Variants in EEFSEC observed in about 807,000 individuals in gnomAD.
EEFSEC encodes eukaryotic elongation factor, selenocysteine-tRNA specific.
Under a neutral mutation model 42.1 loss-of-function variants are expected in EEFSEC, and 43 were observed. The ratio of observed to expected loss-of-function variants is 1.02; its 90% CI spans 0.80 to 1.32. EEFSEC has a LOEUF of 1.32. Among genes scored for constraint, EEFSEC ranks in the 40% most tolerant of loss-of-function variants. The pLI is 0.00. For missense variants in EEFSEC, 745 were observed against 803.6 expected, an observed-to-expected ratio of 0.93 and a Z score of 0.88; for synonymous variants, 354 against 339.1, an observed-to-expected ratio of 1.04 and a Z score of -0.48.
At chr3:128,273,110 C>T (rs952629266) in intron 4 of EEFSEC, among the ~76,000 whole-genome samples, 12 of 152,212 alleles carry the variant, frequency 7.9e-5, no homozygotes, top group Non-Finnish European at 5.9e-5. Context: ...AACTCTGCAT[C>T]TTGTCTTTTC....
At chr3:128,227,785 T>C (rs555088176) in intron 1 of EEFSEC, among the ~76,000 whole-genome samples, 24 of 152,278 alleles carry the variant, frequency 1.6e-4, no homozygotes, top group African/African-American at 5.5e-4. Context: ...AGTCTTACTC[T>C]CTTAATCTGT....
At chr3:128,160,337 A>G (rs778092221) in intron 1 of EEFSEC, among the ~76,000 whole-genome samples, 3 of 152,222 alleles carry the variant, frequency 2.0e-5, no homozygotes, top group Non-Finnish European at 4.4e-5. Context: ...ATTGTGTCTC[A>G]ACATCAGAGA....
rs34767342 is a variant in EEFSEC, at chr3:128,163,938, GA to G, written c.316+10129del. Among the ~76,000 whole-genome samples the G allele has an allele frequency of 6.5e-3, 809 of 124,130 alleles. 7 individuals are homozygous for G. Among genetic ancestry groups the G allele is most frequent in the African/African-American group, 0.02 (711 of 36,044 alleles). 81.4% of individuals were successfully genotyped at this position (124,130 alleles called of 152,430 possible). ...GGGAACCAGTATTGCATTTTTTTGT[GA>G]AAAAAAAAAAAAACAAAACTATTTC... On this transcript the variant is annotated intron_variant, in intron 1 of 6. Transcript: ENST00000254730.
At chr3:128,404,946 C>G (rs2068091922) in intron 6 of EEFSEC, among the ~76,000 whole-genome samples, 1 of 152,088 alleles carries the variant, frequency 6.6e-6, no homozygotes, top group African/African-American at 2.4e-5. Flanking sequence ...GGAGACCGGA[C>G]CCTTTGTGCA....
chr3:128,213,169 G>A (rs193160890), intron 1 of EEFSEC, among the ~76,000 whole-genome samples: 15 of 152,336 alleles, frequency 9.8e-5, no homozygotes, highest in African/African-American at 3.4e-4. Context: ...CCTGGGTTGT[G>A]GCAGTTGCTG....
chr3:128,279,747 C>A (rs1193404239), intron 4 of EEFSEC, among the ~76,000 whole-genome samples: 1 of 152,250 alleles, frequency 6.6e-6, no homozygotes, highest in Non-Finnish European at 1.5e-5. Context: ...GGCCCCCATT[C>A]AGTTTCTGTG....
chr3:128,358,152 C>T (rs751325563), intron 5 of EEFSEC, 65 bp from the exon 6 acceptor site: 3 of 1,570,204 alleles, frequency 1.9e-6, no homozygotes, highest in Non-Finnish European at 1.7e-6. Flanking sequence ...GCTAGGCACA[C>T]AGTCACAGCT....
chr3:128,226,685 T>C (rs2065910850), intron 1 of EEFSEC, among the ~76,000 whole-genome samples: 1 of 152,218 alleles, frequency 6.6e-6, no homozygotes, highest in Non-Finnish European at 1.5e-5. Flanking sequence ...TGATGTTGTC[T>C]GTATGTGTGT....
intron 1 of EEFSEC, among the ~76,000 whole-genome samples, chr3:128,201,009 C>G (rs965261609): frequency 6.6e-6 from 1 of 152,154 alleles, no homozygotes; most frequent in African/African-American, 2.4e-5. Context: ...GAGTTGGTCA[C>G]AGTCCCCACC....
At chr3:128,290,560 C>T (rs2066632294) in intron 4 of EEFSEC, among the ~76,000 whole-genome samples, 1 of 151,060 alleles carries the variant, frequency 6.6e-6, no homozygotes, top group Non-Finnish European at 1.5e-5. Flanking sequence ...ATATAGATTT[C>T]CAAGTCAACT....
chr3:128,379,399 A>G (rs2067747794), intron 6 of EEFSEC, among the ~76,000 whole-genome samples: 1 of 152,262 alleles, frequency 6.6e-6, no homozygotes, highest in Non-Finnish European at 1.5e-5. Flanking sequence ...AACAAAGACA[A>G]TGATATTATA....
intron 6 of EEFSEC, among the ~76,000 whole-genome samples, chr3:128,379,472 C>T (rs777718475): frequency 1.3e-5 from 2 of 152,184 alleles, no homozygotes; most frequent in Admixed American, 6.5e-5. Flanking sequence ...TTTTACAAGA[C>T]GGACCGTTCA....
At position 128,380,730 on chromosome 3, in the gene EEFSEC, C is replaced by T. The variant is rs1274349634; in HGVS notation, c.1600+22357C>T. ...GACTGCTATATGTTATCCCATAGTC[C>T]GAATTAAACAATTTGTACACCTGCG... On this transcript the variant is annotated intron_variant, in intron 6 of 6. Transcript: ENST00000254730. Among the ~76,000 whole-genome samples, 4 of 152,282 alleles carry T rather than the reference C, an allele frequency of 2.6e-5. No homozygotes were observed. The East Asian group carries it at 5.8e-4, about 22-fold the overall frequency.
chr3:128,307,362 G>T (rs930338322), intron 4 of EEFSEC, among the ~76,000 whole-genome samples: 2 of 152,232 alleles, frequency 1.3e-5, no homozygotes, highest in South Asian at 2.1e-4. Context: ...ATTGTTGGGG[G>T]TGGAGATTAG....
intron 6 of EEFSEC, among the ~76,000 whole-genome samples, chr3:128,381,703 T>C (rs549127950): frequency 6.6e-6 from 1 of 152,210 alleles, no homozygotes; most frequent in Non-Finnish European, 1.5e-5. Context: ...TGCAGCTGCG[T>C]GCCGTGGAGG....
At chr3:128,418,970 T>TACA in the EEFSEC span, among the ~76,000 whole-genome samples, 1 of 152,306 alleles carries the variant, frequency 6.6e-6, no homozygotes, top group South Asian at 2.1e-4. Context: ...TCCCAGTCAG[T>TACA]AATGCTCTTC....
At chr3:128,415,065 T>A in the EEFSEC span, among the ~76,000 whole-genome samples, 1 of 152,122 alleles carries the variant, frequency 6.6e-6, no homozygotes, top group Admixed American at 6.5e-5. Flanking sequence ...CAAGACACCT[T>A]GGCAAGCTTC....
intron 4 of EEFSEC, among the ~76,000 whole-genome samples, chr3:128,304,804 G>A (rs549162441): frequency 3.3e-5 from 5 of 151,920 alleles, no homozygotes; most frequent in African/African-American, 1.2e-4. Context: ...CCCAGGCTCA[G>A]ATGATCCTCC....
downstream of EEFSEC, among the ~76,000 whole-genome samples, chr3:128,411,633 G>A (rs1474037424): frequency 6.6e-6 from 1 of 152,154 alleles, no homozygotes; most frequent in East Asian, 1.9e-4. Context: ...TCCTGCCATG[G>A]GCTGGGGCAG....
Sources: gnomAD v4.1 joint callset for allele counts (sites outside exome capture counted in the v4.1 genomes callset) on GRCh38, gnomAD v4.1.1 for gene constraint, MANE v1.5 for transcripts, NCBI Gene and HGNC (gene_info 2026-07-23, HGNC 2026-07-21) for gene names.